RUFY2: variants seen among roughly 807,000 people sequenced by gnomAD.
The protein encoded by RUFY2 is RUN and FYVE domain-containing protein 2.
Under a neutral mutation model 94.4 loss-of-function variants are expected in RUFY2, and 49 were observed. The ratio of observed to expected loss-of-function variants is 0.52; its 90% CI spans 0.41 to 0.66. The LOEUF (loss-of-function observed/expected upper bound fraction) is 0.66, where lower values mean the gene tolerates loss of function less well. Ranked by LOEUF, RUFY2 falls within the 30% of genes least tolerant of loss-of-function variation. RUFY2 has a pLI of 0.00. For missense variants in RUFY2, 541 were observed against 692.8 expected, an observed-to-expected ratio of 0.78 and a Z score of 2.46; for synonymous variants, 255 against 235.7, an observed-to-expected ratio of 1.08 and a Z score of -0.75.
chr10:68,396,106 C>T (rs2133112491), intron 4 of RUFY2, among the ~76,000 whole-genome samples: 1 of 152,354 alleles, frequency 6.6e-6, no homozygotes, highest in East Asian at 1.9e-4. Flanking sequence ...TCATGTGATT[C>T]TCCTGCCTCA....
rs559509497 is a variant in RUFY2, at chr10:68,401,667, G to A, written c.249C>T (p.Pro83=). Reference sequence around the variant, plus strand: ...CACTAGCTCCTATTTCCTCTGCTTCGGGGTACAGCTTCTCCACCAGTTCCA... The same window carrying A: ...CACTAGCTCCTATTTCCTCTGCTTCAGGGTACAGCTTCTCCACCAGTTCCA... The part of the protein sequence containing the change: ...GPLELVEKLY[P]EAEEIGASVR... The change falls in exon 3 of 18, where the codon CCC becomes CCT. Residue 83 remains proline, a synonymous_variant. Transcript: ENST00000602465. 2.5e-5 allele frequency: 41 copies of A among 1,613,864 alleles called. No individual in the cohort carries two copies. In the East Asian group the frequency reaches 4.0e-4, roughly 16 times the overall value.
At chr10:68,354,887 C>G (rs1313251275) in intron 16 of RUFY2, among the ~76,000 whole-genome samples, 2 of 151,114 alleles carry the variant, frequency 1.3e-5, no homozygotes, top group Non-Finnish European at 2.9e-5. Flanking sequence ...CGCTCTGTTG[C>G]CCAGGATGGA....
intron 15 of RUFY2, among the ~76,000 whole-genome samples, chr10:68,358,518 T>C (rs1156763069): frequency 6.6e-6 from 1 of 152,228 alleles, no homozygotes; most frequent in African/African-American, 2.4e-5. Context: ...TCAGGAAAAC[T>C]GACTCTTGGG....
Position 68,363,879 on chromosome 10 carries a change from T to A in RUFY2, c.1455+105A>T, listed in dbSNP as rs1412223387. On this transcript the variant is annotated intron_variant, in intron 14 of 17. Coordinates refer to ENST00000602465, the MANE Select transcript of RUFY2 (RefSeq NM_001330103.2). Reference sequence around the variant, plus strand: ...ATCTCTTTACTGATATTTTTTAAGATGACTAGTATATCCATTTCCTTGGTA... The same window carrying A: ...ATCTCTTTACTGATATTTTTTAAGAAGACTAGTATATCCATTTCCTTGGTA... The A allele has an allele frequency of 4.3e-6, 4 of 935,364 alleles. No homozygotes were observed. In the Admixed American group the frequency reaches 8.6e-5, roughly 20 times the overall value. The allele number at this position is 935,364 out of a possible 1,614,324, so 57.9% of individuals were successfully genotyped here. A position where few individuals can be genotyped will look rare whatever the true frequency, so the allele number is the denominator to read the frequency against.
chr10:68,342,066 C>G, downstream of RUFY2: 1 of 1,605,226 alleles, frequency 6.2e-7, no homozygotes, highest in Non-Finnish European at 8.5e-7. Context: ...AGCAAAAACA[C>G]CAACATACAA....
At chr10:68,352,907 G>A (rs926707143) in intron 16 of RUFY2, among the ~76,000 whole-genome samples, 2 of 151,376 alleles carry the variant, frequency 1.3e-5, no homozygotes, top group Non-Finnish European at 2.9e-5. Flanking sequence ...GCAACAGAGG[G>A]AGACTCCATC....
In RUFY2 at chr10:68,346,013, C is replaced by T. The variant is rs1171908286; in HGVS notation, c.1671G>A (p.Lys557=). Residue 557 remains lysine (K), a synonymous_variant, in exon 17 of 18, where the codon AAG becomes AAA. Coordinates refer to ENST00000602465, the MANE Select transcript of RUFY2 (RefSeq NM_001330103.2). ...KLCEKEFSLS[K]RKHHCRNCGE... Reference sequence around the variant, plus strand: ...CACTTCTTATCTCCCTTACCTTTCTCTTAGAGAGTGAGAATTCCTTTTCAC... The same window carrying T: ...CACTTCTTATCTCCCTTACCTTTCTTTTAGAGAGTGAGAATTCCTTTTCAC... 1.2e-6 allele frequency: 2 copies of T among 1,613,804 alleles called. No homozygotes were observed. The highest frequency in any genetic ancestry group is 2.2e-5 in the East Asian group (1 of 44,866).
At chr10:68,382,638 T>C (rs867462251) in intron 10 of RUFY2, among the ~76,000 whole-genome samples, 3 of 146,496 alleles carry the variant, frequency 2.0e-5, no homozygotes, top group Middle Eastern at 3.5e-3. Context: ...GGCGTGAACC[T>C]GGGAGGCAGA....
intron 15 of RUFY2, among the ~76,000 whole-genome samples, chr10:68,356,072 T>C (rs747271175): frequency 6.6e-6 from 1 of 152,160 alleles, no homozygotes; most frequent in South Asian, 2.1e-4. Context: ...AAATGACTGA[T>C]GAAGTTTAGT....
chr10:68,358,441 C>A (rs2047205338), intron 15 of RUFY2, among the ~76,000 whole-genome samples: 1 of 152,142 alleles, frequency 6.6e-6, no homozygotes, highest in Non-Finnish European at 1.5e-5. Flanking sequence ...TGTAAAACTA[C>A]ACACTGTAAA....
At chr10:68,375,751 A>C (rs1305485673) in intron 13 of RUFY2, among the ~76,000 whole-genome samples, 7 of 150,416 alleles carry the variant, frequency 4.7e-5, no homozygotes, top group Non-Finnish European at 1.0e-4. Context: ...ACTCCAGCCC[A>C]GGCGATAGAG....
chr10:68,403,831 G>A (rs1254231328), intron 2 of RUFY2, among the ~76,000 whole-genome samples: 1 of 138,670 alleles, frequency 7.2e-6, no homozygotes, highest in Non-Finnish European at 1.5e-5. Flanking sequence ...TCTCTCTGTT[G>A]TCCAGGCTGG....
In RUFY2 at chr10:68,393,865, C is replaced by A; in HGVS notation, c.584+210G>T. 4 of 1,085,830 alleles carry A rather than the reference C, an allele frequency of 3.7e-6. No individual in the cohort carries two copies. In the South Asian group the frequency reaches 6.5e-5, roughly 18 times the overall value. The allele number at this position is 1,085,830 out of a possible 1,614,324, so 67.3% of individuals were successfully genotyped here. Reference sequence around the variant, plus strand: ...TAACTACAGGTATAACCAAAGGTCCCACTTCATACTATTAATAAAACCTCC... The same window carrying A: ...TAACTACAGGTATAACCAAAGGTCCAACTTCATACTATTAATAAAACCTCC... On this transcript the variant is annotated intron_variant, in intron 6 of 17. Transcript: ENST00000602465.
At chr10:68,369,577 T>C (rs2132575809) in intron 13 of RUFY2, among the ~76,000 whole-genome samples, 1 of 151,928 alleles carries the variant, frequency 6.6e-6, no homozygotes, top group East Asian at 1.9e-4. Flanking sequence ...ATGAATGAAT[T>C]AACAGGTTAA....
At chr10:68,361,670 G>A (rs1224757581) in intron 15 of RUFY2, among the ~76,000 whole-genome samples, 2 of 152,114 alleles carry the variant, frequency 1.3e-5, no homozygotes, top group Admixed American at 6.6e-5. Context: ...TCCTTTTCTG[G>A]TTCTAGTGAA....
At chr10:68,405,496 G>T (rs2051220960) in intron 1 of RUFY2, 1 of 961,922 alleles carries the variant, frequency 1.0e-6, no homozygotes, top group African/African-American at 1.8e-5. Flanking sequence ...AGATAAATTT[G>T]GGGTGAGAGA....
chr10:68,348,442 A>C (rs554144465), intron 16 of RUFY2, among the ~76,000 whole-genome samples: 7 of 151,438 alleles, frequency 4.6e-5, no homozygotes, highest in African/African-American at 1.7e-4. Context: ...GCTTAAACCC[A>C]TATGTTCAAG....
intron 13 of RUFY2, 145 bp from the exon 14 acceptor site, chr10:68,364,258 C>A (rs909746060): frequency 1.3e-6 from 1 of 786,696 alleles, no homozygotes; most frequent in African/African-American, 1.7e-5. Context: ...AAATATTTTT[C>A]AGTAAACAAG....
chr10:68,377,005 T>A, intron 12 of RUFY2, 33 bp from the exon 13 acceptor site: 1 of 1,612,382 alleles, frequency 6.2e-7, no homozygotes, highest in Non-Finnish European at 8.5e-7. Context: ...TGGGTAAAAC[T>A]GAGGCTAGAA....
Sources: gnomAD v4.1 joint callset for allele counts (sites outside exome capture counted in the v4.1 genomes callset) on GRCh38, gnomAD v4.1.1 for gene constraint, MANE v1.5 for transcripts, NCBI Gene and HGNC (gene_info 2026-07-23, HGNC 2026-07-21) for gene names.